PTPRG: variants seen among roughly 807,000 people sequenced by gnomAD.
PTPRG encodes the protein protein tyrosine phosphatase receptor type G.
PTPRG carries 102 observed loss-of-function variants against 165.3 expected under a neutral mutation model. That is an observed-to-expected ratio of 0.62 (90% CI 0.53 to 0.73). The LOEUF (loss-of-function observed/expected upper bound fraction) is 0.73, where lower values mean the gene tolerates loss of function less well. Ranked by LOEUF, PTPRG falls within the 30% of genes least tolerant of loss-of-function variation. PTPRG has a pLI of 0.00. For synonymous variants in PTPRG, 675 were observed against 669.5 expected (o/e 1.01, Z -0.13); for missense variants, 1,866 against 1,861.4 (o/e 1.00, Z -0.05).
At chr3:61,686,394 T>G (rs935203181) in intron 1 of PTPRG, among the ~76,000 whole-genome samples, 4 of 152,148 alleles carry the variant, frequency 2.6e-5, no homozygotes, top group African/African-American at 9.7e-5. Context: ...GCCTGTGCCG[T>G]GAGTAGTTGG....
rs141904848 is a variant in PTPRG, at chr3:62,089,808, T to A, written c.615+11550T>A. Among the ~76,000 whole-genome samples, 29 of 152,324 alleles carry A rather than the reference T, an allele frequency of 1.9e-4. No homozygotes were observed. In the East Asian group the frequency reaches 5.4e-3, roughly 28 times the overall value. ...TTCCTAGGTAGCTGTATAAAAATGA[T>A]AGAAGAGAGCTAACTAATTTAGGTC... On this transcript the variant is annotated intron_variant, in intron 5 of 29. Coordinates refer to ENST00000474889, the MANE Select transcript of PTPRG (RefSeq NM_002841.4).
At chr3:62,185,898 C>T (rs1559619158) in intron 8 of PTPRG, among the ~76,000 whole-genome samples, 1 of 152,210 alleles carries the variant, frequency 6.6e-6, no homozygotes, top group African/African-American at 2.4e-5. Context: ...TTGCATGGGT[C>T]TGGCTCCAAA....
intron 2 of PTPRG, among the ~76,000 whole-genome samples, chr3:61,975,864 C>G (rs1329440274): frequency 6.6e-6 from 1 of 152,110 alleles, no homozygotes; most frequent in Admixed American, 6.5e-5. Flanking sequence ...AACAAGAAAG[C>G]CGGCCATTTT....
Position 62,292,495 on chromosome 3 carries a change from T to A in PTPRG, c.4130T>A (p.Val1377Glu), listed in dbSNP as rs754665050. 1 of 1,613,786 alleles carries A rather than the reference T, an allele frequency of 6.2e-7. No homozygotes were observed. Among genetic ancestry groups the A allele is most frequent in the Non-Finnish European group, 8.5e-7 (1 of 1,179,766 alleles). Residue 1377 changes from valine (V) to glutamate (E), a missense_variant, in exon 29 of 30, where the codon GTG becomes GAG. Val to Glu is a moderately radical substitution (Grantham distance 121, BLOSUM62 -2). Transcript: ENST00000474889. ...LSQQLENENA[V>E]DVFQVAKMIN... ...CAGCAACTGGAGAATGAAAATGCTG[T>A]GGATGTTTTCCAGGTTGCAAAAATG...
At chr3:61,694,299 C>T (rs2030424130) in intron 1 of PTPRG, among the ~76,000 whole-genome samples, 1 of 152,216 alleles carries the variant, frequency 6.6e-6, no homozygotes, top group Non-Finnish European at 1.5e-5. Flanking sequence ...CTTTTAAAGA[C>T]ATTAAGAAAA....
intron 4 of PTPRG, among the ~76,000 whole-genome samples, chr3:62,027,221 A>G (rs933594082): frequency 1.3e-5 from 2 of 152,134 alleles, no homozygotes; most frequent in African/African-American, 4.8e-5. Flanking sequence ...TCACTAACTG[A>G]TAGTGTGGAG....
intron 15 of PTPRG, among the ~76,000 whole-genome samples, chr3:62,244,765 C>G (rs1701253387): frequency 6.6e-6 from 1 of 152,126 alleles, no homozygotes; most frequent in South Asian, 2.1e-4. Flanking sequence ...ACAATGAGAG[C>G]TTTATAAGGG....
At chr3:61,786,196 T>TA (rs1218369739) in intron 2 of PTPRG, among the ~76,000 whole-genome samples, 1 of 152,186 alleles carries the variant, frequency 6.6e-6, no homozygotes, top group Non-Finnish European at 1.5e-5. Context: ...ATGTGCCTGT[T>TA]ATGGTGGTTG....
At chr3:61,765,213 A>G (rs1406933228) in intron 2 of PTPRG, among the ~76,000 whole-genome samples, 2 of 152,222 alleles carry the variant, frequency 1.3e-5, no homozygotes, top group Non-Finnish European at 2.9e-5. Context: ...TTTGGAGATT[A>G]AAGAGTAGAA....
At chr3:62,272,770 G>C (rs1339362843) in intron 21 of PTPRG, among the ~76,000 whole-genome samples, 176 bp from the exon 22 acceptor site, 2 of 152,094 alleles carry the variant, frequency 1.3e-5, no homozygotes, top group African/African-American at 4.8e-5. Context: ...CTGGGAGGCG[G>C]AGGTTGCAGT....
chr3:62,119,548 C>A (rs1457621373), intron 5 of PTPRG, among the ~76,000 whole-genome samples: 2 of 151,718 alleles, frequency 1.3e-5, no homozygotes, highest in African/African-American at 4.8e-5. Flanking sequence ...ATCCAGAGGT[C>A]GGCTGGGCCC....
intron 1 of PTPRG, among the ~76,000 whole-genome samples, chr3:61,562,830 C>G (rs553871411): frequency 6.6e-6 from 1 of 152,118 alleles, no homozygotes; most frequent in South Asian, 2.1e-4. Flanking sequence ...TGGGGGTTTG[C>G]TTTGCTGTTC....
intron 6 of PTPRG, among the ~76,000 whole-genome samples, chr3:62,144,187 A>G (rs1704034428): frequency 6.6e-6 from 1 of 152,202 alleles, no homozygotes; most frequent in Non-Finnish European, 1.5e-5. Flanking sequence ...TGGCCCTTTA[A>G]AGAAAAAGTT....
At chr3:62,162,268 A>G (rs1704795884) in intron 7 of PTPRG, among the ~76,000 whole-genome samples, 1 of 150,894 alleles carries the variant, frequency 6.6e-6, no homozygotes, top group African/African-American at 2.4e-5. Context: ...TCGAGCCAAC[A>G]CATTTGCAAT....
At chr3:62,221,336 T>G (rs1184892325) in intron 13 of PTPRG, among the ~76,000 whole-genome samples, 2 of 152,068 alleles carry the variant, frequency 1.3e-5, no homozygotes. Flanking sequence ...AAATTCCTAC[T>G]CCCAGTAGCA....
intron 2 of PTPRG, among the ~76,000 whole-genome samples, chr3:61,904,665 C>G (rs1046863387): frequency 6.6e-6 from 1 of 152,092 alleles, no homozygotes; most frequent in Admixed American, 6.5e-5. Context: ...AATTGTTACT[C>G]AGAATTTAAT....
At chr3:61,695,710 T>C (rs546576063) in intron 1 of PTPRG, among the ~76,000 whole-genome samples, 1 of 152,372 alleles carries the variant, frequency 6.6e-6, no homozygotes, top group Non-Finnish European at 1.5e-5. Flanking sequence ...TGATGAGTTC[T>C]ACAGCTAGTA....
intron 1 of PTPRG, among the ~76,000 whole-genome samples, chr3:61,687,263 G>T (rs1383003543): frequency 1.3e-5 from 2 of 152,234 alleles, no homozygotes; most frequent in Non-Finnish European, 2.9e-5. Flanking sequence ...GGGGCCTTCA[G>T]TGACACCTCA....
At chr3:62,027,810 T>C (rs888857375) in intron 4 of PTPRG, among the ~76,000 whole-genome samples, 1 of 152,100 alleles carries the variant, frequency 6.6e-6, no homozygotes, top group Non-Finnish European at 1.5e-5. Flanking sequence ...ACCCAGGAAA[T>C]GTGTGTGTTC....
Sources: allele counts gnomAD v4.1 joint callset (sites outside exome capture counted in the v4.1 genomes callset), GRCh38; gene constraint gnomAD v4.1.1; transcripts MANE v1.5; gene names NCBI Gene and HGNC (gene_info 2026-07-23, HGNC 2026-07-21).